The following CNTNAP2 variants were observed in gnomAD, a reference collection of about 807,000 sequenced individuals.
The protein encoded by CNTNAP2 is contactin associated protein 2.
Under a neutral mutation model 155.2 loss-of-function variants are expected in CNTNAP2, and 98 were observed. That is an observed-to-expected ratio of 0.63 (90% CI 0.54 to 0.75). CNTNAP2 has a LOEUF of 0.75. Ranked by LOEUF, CNTNAP2 falls within the 30% of genes least tolerant of loss-of-function variation. The pLI is 0.00. For missense variants in CNTNAP2, 1,727 were observed against 1,688.1 expected (o/e 1.02, Z -0.40); for synonymous variants, 651 against 631.2 (o/e 1.03, Z -0.47).
At chr7:147,650,901 T>C in intron 13 of CNTNAP2, among the ~76,000 whole-genome samples, 1 of 152,338 alleles carries the variant, frequency 6.6e-6, no homozygotes, top group Non-Finnish European at 1.5e-5. Flanking sequence ...TTAACTAGTA[T>C]GTCCATCATG....
At chr7:147,036,045 C>G (rs1799146480) in intron 3 of CNTNAP2, among the ~76,000 whole-genome samples, 1 of 152,134 alleles carries the variant, frequency 6.6e-6, no homozygotes, top group East Asian at 1.9e-4. Flanking sequence ...GTCTAACTTG[C>G]AAGAAAGATT....
At chr7:146,155,740 C>T (rs1798115755) in intron 1 of CNTNAP2, among the ~76,000 whole-genome samples, 1 of 151,260 alleles carries the variant, frequency 6.6e-6, no homozygotes, top group South Asian at 2.1e-4. Context: ...GCTCTTGTCG[C>T]CCAGGCTGAA....
chr7:146,778,639 T>C (rs1802431544), intron 2 of CNTNAP2, among the ~76,000 whole-genome samples: 1 of 152,190 alleles, frequency 6.6e-6, no homozygotes, highest in African/African-American at 2.4e-5. Context: ...CCTTTGAAAG[T>C]TTCAAACAGC....
At chr7:146,195,362 AGAG>A (rs1436191648) in intron 1 of CNTNAP2, among the ~76,000 whole-genome samples, 1 of 152,236 alleles carries the variant, frequency 6.6e-6, no homozygotes, top group East Asian at 1.9e-4. Flanking sequence ...GAAAATGAGA[AGAG>A]GAAACTGCAC....
intron 8 of CNTNAP2, among the ~76,000 whole-genome samples, chr7:147,260,424 G>GA (rs1276739673): frequency 6.6e-6 from 1 of 152,088 alleles, no homozygotes; most frequent in Non-Finnish European, 1.5e-5. Flanking sequence ...ATATTATGGG[G>GA]AAAAATTTTT....
At chr7:147,354,086 G>C (rs1235660540) in intron 9 of CNTNAP2, among the ~76,000 whole-genome samples, 2 of 151,896 alleles carry the variant, frequency 1.3e-5, no homozygotes, top group African/African-American at 4.8e-5. Context: ...TCTGTAGGTT[G>C]CCTAGTCACT....
In CNTNAP2 at chr7:146,753,652, A is replaced by T. The variant is rs1358584590; in HGVS notation, c.98-20619A>T. On this transcript the variant is annotated intron_variant, in intron 1 of 23. Transcript: ENST00000361727. ...ATTCCTTAGAAGTTATATAAGTAAA[A>T]ATAGATTTATTTTTAAATTATCCTG... is the stretch of plus-strand genomic sequence containing the variant. 2.0e-5 allele frequency among the ~76,000 whole-genome samples: 3 copies of T among 152,028 alleles called. No homozygotes were observed. The East Asian group carries it at 5.8e-4, about 29-fold the overall frequency.
intron 3 of CNTNAP2, among the ~76,000 whole-genome samples, chr7:147,006,133 T>C (rs1798519773): frequency 6.6e-6 from 1 of 151,996 alleles, no homozygotes; most frequent in African/African-American, 2.4e-5. Context: ...GAGTACCCAG[T>C]AATGAGTAAT....
At chr7:148,078,200 A>G (rs1369997454) in intron 15 of CNTNAP2, among the ~76,000 whole-genome samples, 1 of 151,850 alleles carries the variant, frequency 6.6e-6, no homozygotes, top group East Asian at 1.9e-4. Flanking sequence ...AGTAGCTGGG[A>G]TTACAGGTGC....
At chr7:148,265,406 T>C (rs1796649860) in intron 20 of CNTNAP2, among the ~76,000 whole-genome samples, 1 of 152,148 alleles carries the variant, frequency 6.6e-6, no homozygotes, top group Admixed American at 6.5e-5. Flanking sequence ...CTCGAGTAGC[T>C]GTGACTACCG....
At position 148,062,028 on chromosome 7, in the gene CNTNAP2, A is replaced by AGAGAGAGAGAGT. The variant is rs1388530831; in HGVS notation, c.2384-56089_2384-56088insAGAGAGAGAGTG. On this transcript the variant is annotated intron_variant, in intron 15 of 23. Transcript: ENST00000361727. ...ATAGATGATAGAGAGAGAGAGAGAG[A>AGAGAGAGAGAGT]GTGTGTGTGTGTGTGTGTGTGTGTG... Among the ~76,000 whole-genome samples the AGAGAGAGAGAGT allele has an allele frequency of 8.1e-3, 853 of 105,848 alleles. 20 individuals carry two copies. The highest frequency in any genetic ancestry group is 9.3e-3 in the African/African-American group (262 of 28,234). The allele number at this position is 105,848 out of a possible 152,430, so 69.4% of individuals were successfully genotyped here.
In CNTNAP2 at chr7:147,294,723, A is replaced by C. The variant is rs187509463; in HGVS notation, c.1349-5418A>C. Among the ~76,000 whole-genome samples, 264 of 151,970 alleles carry C rather than the reference A, an allele frequency of 1.7e-3. 3 individuals are homozygous for C. The highest frequency in any genetic ancestry group is 6.1e-3 in the African/African-American group (253 of 41,434). On this transcript the variant is annotated intron_variant, in intron 8 of 23. Transcript: ENST00000361727. Reference sequence around the variant, plus strand: ...GCCCATTCTGGAGTGCAGTGACACGATCTCAGCTTGCTGCAACCTCCACAT... The same window carrying C: ...GCCCATTCTGGAGTGCAGTGACACGCTCTCAGCTTGCTGCAACCTCCACAT...
chr7:146,200,487 C>T (rs1232061088), intron 1 of CNTNAP2, among the ~76,000 whole-genome samples: 2 of 145,956 alleles, frequency 1.4e-5, no homozygotes, highest in Admixed American at 7.0e-5. Flanking sequence ...AGCAATACTC[C>T]GTCTAAACAT....
At chr7:147,549,709 G>A (rs1428715509) in intron 11 of CNTNAP2, among the ~76,000 whole-genome samples, 1 of 152,074 alleles carries the variant, frequency 6.6e-6, no homozygotes, top group Admixed American at 6.6e-5. Flanking sequence ...CAGCAGTTCT[G>A]GTATAAGGGA....
chr7:146,831,669 C>CA (rs531970313), intron 2 of CNTNAP2, among the ~76,000 whole-genome samples: 2,331 of 16,110 alleles, frequency 0.14, 176 homozygotes, highest in East Asian at 0.17. Flanking sequence ...AGCAAGACGC[C>CA]AAAAAAAAAA....
intron 3 of CNTNAP2, among the ~76,000 whole-genome samples, chr7:146,898,551 TTGTG>T (rs113858833): frequency 6.6e-6 from 1 of 150,894 alleles, no homozygotes; most frequent in Non-Finnish European, 1.5e-5. Flanking sequence ...ATGGCATCTA[TTGTG>T]TGTGTGTGTG....
intron 3 of CNTNAP2, among the ~76,000 whole-genome samples, chr7:146,992,277 A>G (rs1293247090): frequency 6.6e-6 from 1 of 152,216 alleles, no homozygotes; most frequent in Non-Finnish European, 1.5e-5. Context: ...GTTAGTAAAG[A>G]TAGGAAAGAT....
chr7:147,821,282 C>A (rs1798355996), intron 13 of CNTNAP2, among the ~76,000 whole-genome samples: 1 of 152,030 alleles, frequency 6.6e-6, no homozygotes, highest in South Asian at 2.1e-4. Context: ...ATTGAGTGGG[C>A]AATTCATTGA....
chr7:146,804,037 T>C (rs1802925618), intron 2 of CNTNAP2, among the ~76,000 whole-genome samples: 1 of 152,178 alleles, frequency 6.6e-6, no homozygotes, highest in African/African-American at 2.4e-5. Context: ...TTCAGCATTG[T>C]TCAGTTTTCC....
Sources: allele counts gnomAD v4.1 joint callset (sites outside exome capture counted in the v4.1 genomes callset), GRCh38; gene constraint gnomAD v4.1.1; transcripts MANE v1.5; gene names NCBI Gene and HGNC (gene_info 2026-07-23, HGNC 2026-07-21).